The following ADD3 variants were observed in gnomAD, a reference collection of about 807,000 sequenced individuals.
ADD3 encodes the protein gamma-adducin.
In ADD3, 25 loss-of-function variants were observed where a neutral mutation model predicts 80.2. The ratio of observed to expected loss-of-function variants is 0.31; its 90% confidence interval spans 0.23 to 0.44. ADD3 has a LOEUF of 0.44. Among genes scored for constraint, ADD3 ranks in the 20% least tolerant of loss-of-function variants. ADD3 has a pLI of 1.00. For synonymous variants in ADD3, 284 were observed against 289.6 expected, an observed-to-expected ratio of 0.98 and a Z score of 0.20; for missense variants, 829 against 847.5, an observed-to-expected ratio of 0.98 and a Z score of 0.27.
chr10:110,125,672 G>C, intron 10 of ADD3, 154 bp from the exon 11 acceptor site: 2 of 438,722 alleles, frequency 4.6e-6, no homozygotes, highest in South Asian at 7.2e-5. Flanking sequence ...TTTCTAACTA[G>C]TATGAGATGA....
intron 1 of ADD3, among the ~76,000 whole-genome samples, chr10:110,054,514 T>G (rs1045313678): frequency 6.8e-6 from 1 of 148,050 alleles, no homozygotes; most frequent in African/African-American, 2.5e-5. Flanking sequence ...CGATCTCGGC[T>G]CACTGCAACC....
intron 10 of ADD3, 57 bp from the exon 11 acceptor site, chr10:110,125,769 A>G (rs1852072003): frequency 5.1e-6 from 7 of 1,365,900 alleles, no homozygotes; most frequent in Non-Finnish European, 5.0e-6. Context: ...TTATCTAACA[A>G]TCTACTAATA....
At chr10:110,123,571 A>T (rs923304389) in intron 9 of ADD3, among the ~76,000 whole-genome samples, 7 of 152,124 alleles carry the variant, frequency 4.6e-5, no homozygotes, top group African/African-American at 1.4e-4. Flanking sequence ...AGTCCCCTAT[A>T]TATTTTGGAT....
intron 1 of ADD3, among the ~76,000 whole-genome samples, chr10:110,090,816 CTATTT>C (rs1362784481): frequency 6.6e-6 from 1 of 152,034 alleles, no homozygotes; most frequent in African/African-American, 2.4e-5. Context: ...GTTGCTGTTA[CTATTT>C]TATTTTATTT....
rs61881644 is a variant in ADD3 at position 110,121,660 on chromosome 10, A to G, written c.961-450A>G. Among the ~76,000 whole-genome samples the G allele has an allele frequency of 8.8e-3, 1,335 of 152,366 alleles. 5 individuals carry two copies. Among genetic ancestry groups the G allele is most frequent in the Non-Finnish European group, 0.016 (1,094 of 68,034 alleles). On this transcript the variant is annotated intron_variant, in intron 8 of 14. Transcript: ENST00000356080. ...TGCTTTAATGGTTCCTCCTCTTCTC[A>G]AATGGGGCTATGAAAAGCTTAATTA... is the stretch of plus-strand genomic sequence containing the variant.
chr10:110,079,461 AGT>A (rs1164637976), intron 1 of ADD3, among the ~76,000 whole-genome samples: 28,649 of 95,562 alleles, frequency 0.3, 4,041 homozygotes, highest in Non-Finnish European at 0.38. Context: ...AGAGAGAGAG[AGT>A]GTGTGTGTGT....
At chr10:110,128,867 C>T (rs1001520316) in intron 12 of ADD3, among the ~76,000 whole-genome samples, 8 of 151,924 alleles carry the variant, frequency 5.3e-5, no homozygotes, top group Admixed American at 1.3e-4. Flanking sequence ...TGAGTTGTTC[C>T]GTATGTCTGT....
intron 1 of ADD3, among the ~76,000 whole-genome samples, chr10:110,084,613 A>G (rs1233030638): frequency 6.6e-6 from 1 of 152,198 alleles, no homozygotes; most frequent in African/African-American, 2.4e-5. Flanking sequence ...GATCTGTTCT[A>G]CCTTTCTCCA....
At chr10:110,117,754 G>A (rs572819223) in intron 5 of ADD3, among the ~76,000 whole-genome samples, 1 of 151,678 alleles carries the variant, frequency 6.6e-6, no homozygotes, top group African/African-American at 2.4e-5. Flanking sequence ...AGTGGCTCAC[G>A]CCTGTAATCC....
upstream of ADD3, among the ~76,000 whole-genome samples, chr10:110,001,878 T>C (rs1403905001): frequency 6.6e-6 from 1 of 152,244 alleles, no homozygotes; most frequent in Non-Finnish European, 1.5e-5. Context: ...TAGAGATTCG[T>C]AGCTGAAGTG....
chr10:110,074,608 T>G (rs1227022986), intron 1 of ADD3, among the ~76,000 whole-genome samples: 1 of 151,922 alleles, frequency 6.6e-6, no homozygotes, highest in Non-Finnish European at 1.5e-5. Context: ...AAAGCTAAAA[T>G]ATGTTTTCAA....
At chr10:110,086,950 A>G (rs1035611477) in intron 1 of ADD3, among the ~76,000 whole-genome samples, 8 of 152,200 alleles carry the variant, frequency 5.3e-5, no homozygotes, top group South Asian at 2.1e-4. Context: ...GTGGTCTCCA[A>G]TGTGAGCAGA....
At chr10:110,029,883 T>A (rs1285361554) in intron 1 of ADD3, among the ~76,000 whole-genome samples, 1 of 152,186 alleles carries the variant, frequency 6.6e-6, no homozygotes, top group Admixed American at 6.5e-5. Flanking sequence ...TTTTTAAAGT[T>A]ATTATTGGCC....
At chr10:110,070,194 G>T (rs1472450555) in intron 1 of ADD3, among the ~76,000 whole-genome samples, 3 of 151,934 alleles carry the variant, frequency 2.0e-5, no homozygotes, top group Non-Finnish European at 4.4e-5. Flanking sequence ...TAGTATATCT[G>T]TAGTATATCT....
chr10:109,999,288 G>T (rs1851438163), intron 1 of ADD3, among the ~76,000 whole-genome samples: 2 of 152,156 alleles, frequency 1.3e-5, no homozygotes, highest in African/African-American at 2.4e-5. Context: ...GGAGACCTAG[G>T]TTGTGCATTC....
chr10:110,063,150 T>G (rs367551008), intron 1 of ADD3, among the ~76,000 whole-genome samples: 20 of 152,332 alleles, frequency 1.3e-4, no homozygotes, highest in East Asian at 9.6e-4. Flanking sequence ...TGTGAATGTG[T>G]TGTTAATGTT....
At chr10:110,061,763 G>GT (rs1858922495) in intron 1 of ADD3, among the ~76,000 whole-genome samples, 1 of 152,146 alleles carries the variant, frequency 6.6e-6, no homozygotes, top group African/African-American at 2.4e-5. Flanking sequence ...TATTAGAATT[G>GT]TATGAAATCT....
At chr10:110,020,003 A>C (rs1041874254) in intron 1 of ADD3, among the ~76,000 whole-genome samples, 1 of 152,228 alleles carries the variant, frequency 6.6e-6, no homozygotes, top group African/African-American at 2.4e-5. Flanking sequence ...TGAAATGAGC[A>C]AGGATAGCAA....
At chr10:110,071,568 G>A (rs774267666) in intron 1 of ADD3, among the ~76,000 whole-genome samples, 1 of 152,138 alleles carries the variant, frequency 6.6e-6, no homozygotes, top group African/African-American at 2.4e-5. Flanking sequence ...CATGATTGCA[G>A]ATTTTTTTAA....
Sources: gnomAD v4.1 joint callset for allele counts (sites outside exome capture counted in the v4.1 genomes callset) on GRCh38, gnomAD v4.1.1 for gene constraint, MANE v1.5 for transcripts, NCBI Gene and HGNC (gene_info 2026-07-23, HGNC 2026-07-21) for gene names.